The following KLHL13 variants were observed in gnomAD, a reference collection of about 807,000 sequenced individuals.
KLHL13 encodes the protein kelch-like protein 13.
Under a neutral mutation model 37.1 loss-of-function variants are expected in KLHL13, and 10 were observed. That is an observed-to-expected ratio of 0.27 (90% CI 0.17 to 0.46). The LOEUF (loss-of-function observed/expected upper bound fraction) is 0.46. KLHL13 is among the 20% of genes least tolerant of loss of function. KLHL13 has a pLI of 1.00. For synonymous variants in KLHL13, 163 were observed against 181.2 expected (o/e 0.90, Z 0.81); for missense variants, 360 against 509.3 (o/e 0.71, Z 2.82).
intron 1 of KLHL13, among the ~76,000 whole-genome samples, chrX:117,993,372 C>A (rs1045496847): frequency 8.9e-6 from 1 of 112,217 alleles, no homozygotes; most frequent in Admixed American, 9.4e-5. Flanking sequence ...TTTGTTTGAT[C>A]ACTTACCATG....
At chrX:118,113,395 G>T (rs767025447) in intron 1 of KLHL13, among the ~76,000 whole-genome samples, 1 of 112,024 alleles carries the variant, frequency 8.9e-6, no homozygotes, top group South Asian at 3.8e-4. Context: ...ATTGTTCTGA[G>T]AATCAAACCC....
At chrX:118,003,208 C>G (rs773501279) in intron 1 of KLHL13, among the ~76,000 whole-genome samples, 20 of 112,127 alleles carry the variant, frequency 1.8e-4, no homozygotes, top group South Asian at 7.4e-4. Context: ...TAAAATACCT[C>G]TATTCAAAAA....
chrX:117,967,641 T>C (rs1482281956), intron 1 of KLHL13, among the ~76,000 whole-genome samples: 1 of 112,101 alleles, frequency 8.9e-6, no homozygotes, highest in Admixed American at 9.5e-5. Context: ...GACCAGTGAA[T>C]GTCTTTGAAA....
intron 1 of KLHL13, among the ~76,000 whole-genome samples, chrX:117,963,090 CTTG>C (rs1365581038): frequency 2.7e-5 from 3 of 111,687 alleles, no homozygotes; most frequent in Non-Finnish European, 5.6e-5. Flanking sequence ...AGTTCTGAAA[CTTG>C]TTTTTATTTT....
intron 1 of KLHL13, among the ~76,000 whole-genome samples, chrX:118,073,590 C>T (rs1417866938): frequency 1.8e-5 from 2 of 111,518 alleles, no homozygotes; most frequent in African/African-American, 6.5e-5. Context: ...CCTACCTGTA[C>T]TAGGGGTTGA....
chrX:117,923,652 C>CT (rs1192267024), intron 2 of KLHL13, among the ~76,000 whole-genome samples: 6 of 111,300 alleles, frequency 5.4e-5, no homozygotes, highest in African/African-American at 1.6e-4. Context: ...CTACATATTA[C>CT]TTTTTTTTCC....
chrX:117,914,356 T>C (rs1416621737), intron 4 of KLHL13: 1 of 111,053 alleles, frequency 9.0e-6, no homozygotes, highest in Non-Finnish European at 1.9e-5. Context: ...AGTATCTGCT[T>C]TTGTACTCTC....
chrX:118,054,099 G>A (rs1009579685), intron 1 of KLHL13, among the ~76,000 whole-genome samples: 1 of 111,199 alleles, frequency 9.0e-6, no homozygotes, highest in African/African-American at 3.3e-5. Context: ...ATTTTATAGG[G>A]AAAACTAAGT....
intron 1 of KLHL13, chrX:117,947,390 C>T (rs1693006366): frequency 1.8e-5 from 2 of 112,085 alleles, no homozygotes; most frequent in Admixed American, 1.9e-4. Context: ...ATTCCAAAGA[C>T]ATTTCTTTAT....
rs757063401 is a variant in KLHL13 at position 117,941,574 on chromosome X, T to C, written c.240+3860A>G. 2.4e-3 allele frequency among the ~76,000 whole-genome samples: 272 copies of C among 111,670 alleles called. 1 individual carries two copies. The highest frequency in any genetic ancestry group is 4.1e-3 in the Non-Finnish European group (215 of 53,074). On this transcript the variant is annotated intron_variant, in intron 2 of 6. Coordinates refer to ENST00000262820, the Ensembl canonical transcript of KLHL13. ...CCTAGTTTAGTCTTGGGAGGGTGTA[T>C]GTGTCTAGGAATTTACCCATTTCTT...
At chrX:118,073,093 C>CAA (rs199562876) in intron 1 of KLHL13, among the ~76,000 whole-genome samples, 2 of 95,632 alleles carry the variant, frequency 2.1e-5, no homozygotes. Context: ...GACACTCTCT[C>CAA]AAAAAAAAAA....
chrX:118,100,940 C>T (rs894018708), intron 1 of KLHL13, among the ~76,000 whole-genome samples: 2 of 111,678 alleles, frequency 1.8e-5, no homozygotes, highest in Non-Finnish European at 3.8e-5. Context: ...TTCTCAATCA[C>T]CTCTTTCATG....
chrX:117,985,500 G>T (rs1602626205), intron 1 of KLHL13: 1 of 300,670 alleles, frequency 3.3e-6, no homozygotes, highest in Non-Finnish European at 4.4e-6. Flanking sequence ...ATAGGAAATT[G>T]TAGTCAGTGT....
intron 2 of KLHL13, among the ~76,000 whole-genome samples, chrX:117,944,536 T>A (rs1933221492): frequency 8.9e-6 from 1 of 111,775 alleles, no homozygotes; most frequent in Non-Finnish European, 1.9e-5. Flanking sequence ...CTCATTATAT[T>A]ATATTCTATA....
At chrX:118,051,355 C>A (rs1208406532) in intron 1 of KLHL13, among the ~76,000 whole-genome samples, 1 of 109,402 alleles carries the variant, frequency 9.1e-6, no homozygotes, top group Non-Finnish European at 1.9e-5. Context: ...CCTGGCTAAC[C>A]TGGTGAAACC....
chrX:117,965,705 C>G (rs1164999381), intron 1 of KLHL13, among the ~76,000 whole-genome samples: 2 of 111,507 alleles, frequency 1.8e-5, no homozygotes, highest in African/African-American at 6.5e-5. Context: ...GCTTATCCAC[C>G]ATGATCAAGT....
intron 5 of KLHL13, among the ~76,000 whole-genome samples, chrX:117,902,211 T>A (rs1930141945): frequency 9.0e-6 from 1 of 111,558 alleles, no homozygotes; most frequent in African/African-American, 3.3e-5. Flanking sequence ...CACTAAGATT[T>A]ATTCTGTAAT....
At chrX:118,092,885 C>G (rs768851049) in intron 1 of KLHL13, among the ~76,000 whole-genome samples, 1 of 111,864 alleles carries the variant, frequency 8.9e-6, no homozygotes, top group African/African-American at 3.2e-5. Flanking sequence ...CCTCTCTGTA[C>G]TATCTTTGCA....
intron 2 of KLHL13, among the ~76,000 whole-genome samples, chrX:117,939,860 G>T (rs957265700): frequency 9.0e-6 from 1 of 111,712 alleles, no homozygotes; most frequent in Non-Finnish European, 1.9e-5. Flanking sequence ...ATGATGGACA[G>T]ATTGCAAAAA....
Sources: allele counts gnomAD v4.1 joint callset (sites outside exome capture counted in the v4.1 genomes callset), GRCh38; gene constraint gnomAD v4.1.1; transcripts MANE v1.5; gene names NCBI Gene and HGNC (gene_info 2026-07-23, HGNC 2026-07-21).